KIAA1958: variants seen among roughly 807,000 people sequenced by gnomAD.
The protein encoded by KIAA1958 is KIAA1958.
A neutral mutation model predicts 47.2 loss-of-function variants in KIAA1958; 14 were observed. The ratio of observed to expected loss-of-function variants is 0.30; its 90% confidence interval spans 0.20 to 0.46. The LOEUF is 0.46. KIAA1958 is among the 20% of genes least tolerant of loss of function. The pLI, the probability that KIAA1958 is intolerant of heterozygous loss-of-function variation, is 1.00. For missense variants in KIAA1958, 803 were observed against 909.2 expected, an observed-to-expected ratio of 0.88 and a Z score of 1.50; for synonymous variants, 354 against 353.3, an observed-to-expected ratio of 1.00 and a Z score of -0.02.
chr9:112,596,711 A>C (rs1836039682), intron 2 of KIAA1958, among the ~76,000 whole-genome samples: 1 of 152,206 alleles, frequency 6.6e-6, no homozygotes, highest in South Asian at 2.1e-4. Flanking sequence ...GAATATTAAT[A>C]GCCTAACTCA....
intron 1 of KIAA1958, among the ~76,000 whole-genome samples, chr9:112,523,346 G>A (rs1834585170): frequency 6.6e-6 from 1 of 152,100 alleles, no homozygotes; most frequent in Non-Finnish European, 1.5e-5. Flanking sequence ...AGCTACTTGT[G>A]GGGCTGAGGT....
chr9:112,578,609 A>G (rs1157941361), intron 2 of KIAA1958, among the ~76,000 whole-genome samples: 1 of 152,180 alleles, frequency 6.6e-6, no homozygotes, highest in Non-Finnish European at 1.5e-5. Flanking sequence ...GTGGAAAATC[A>G]TCCCTACTTC....
intron 2 of KIAA1958, among the ~76,000 whole-genome samples, chr9:112,622,723 T>G (rs1254159100): frequency 6.6e-6 from 1 of 152,226 alleles, no homozygotes; most frequent in Non-Finnish European, 1.5e-5. Context: ...TTGATCTCTT[T>G]GGTTTTTCAG....
intron 1 of KIAA1958, among the ~76,000 whole-genome samples, chr9:112,565,236 C>G (rs1222395058): frequency 6.6e-6 from 1 of 152,200 alleles, no homozygotes; most frequent in African/African-American, 2.4e-5. Flanking sequence ...AACCTAAACT[C>G]CACCAGCTAG....
At chr9:112,509,347 T>G (rs1381613037) in intron 1 of KIAA1958, among the ~76,000 whole-genome samples, 1 of 152,044 alleles carries the variant, frequency 6.6e-6, no homozygotes, top group East Asian at 1.9e-4. Flanking sequence ...ATTACAGGTG[T>G]GTGCCACCAT....
At chr9:112,569,377 TA>T (rs1278964528) in intron 1 of KIAA1958, among the ~76,000 whole-genome samples, 1 of 152,154 alleles carries the variant, frequency 6.6e-6, no homozygotes, top group Non-Finnish European at 1.5e-5. Context: ...TGCACATAAT[TA>T]TTTTTGAACT....
intron 2 of KIAA1958, among the ~76,000 whole-genome samples, chr9:112,607,709 C>T (rs1476187503): frequency 2.7e-5 from 4 of 149,832 alleles, no homozygotes; most frequent in Non-Finnish European, 5.9e-5. Context: ...AAAGTTATTG[C>T]CCCTCATTGA....
Position 112,668,734 on chromosome 9 carries a change from C to T in KIAA1958, c.*8665C>T, listed in dbSNP as rs1270981969. ...ATAGAATAGGCAATGGACTGCTTTG[C>T]ATTTCCTTAGTTTTTCATTCTGAAA... is the stretch of plus-strand genomic sequence containing the variant. On this transcript the variant is annotated 3_prime_UTR_variant, in exon 4 of 4. Coordinates refer to ENST00000337530, the MANE Select transcript of KIAA1958 (RefSeq NM_133465.4). The T allele has an allele frequency of 6.6e-6, 1 of 152,174 alleles. No individual in the cohort carries two copies. Among genetic ancestry groups the T allele is most frequent in the Non-Finnish European group, 1.5e-5 (1 of 68,030 alleles). The allele number at this position is 152,174 out of a possible 1,614,324, so 9.4% of individuals were successfully genotyped here. A position where few individuals can be genotyped will look rare whatever the true frequency, so the allele number is the denominator to read the frequency against.
At position 112,618,830 on chromosome 9, in the gene KIAA1958, C is replaced by A; in HGVS notation, c.1172-26820C>A. The A allele has an allele frequency of 6.4e-7, 1 of 1,550,532 alleles. No individual in the cohort carries two copies. The highest frequency in any genetic ancestry group is 8.7e-7 in the Non-Finnish European group (1 of 1,146,918). On this transcript the variant is annotated intron_variant, in intron 2 of 3. Coordinates refer to ENST00000337530, the MANE Select transcript of KIAA1958 (RefSeq NM_133465.4). The surrounding 1 kb of genome is among the most constrained non-coding windows in gnomAD (Gnocchi z 7.1). ...GCTGATCTGTAACAATCTGAGCCAG[C>A]AGGCTGCCCAGTCAGTGGCCGGCCA... is the stretch of plus-strand genomic sequence containing the variant.
At chr9:112,497,530 T>C (rs1201706918) in intron 1 of KIAA1958, among the ~76,000 whole-genome samples, 4 of 152,198 alleles carry the variant, frequency 2.6e-5, no homozygotes, top group South Asian at 2.1e-4. Context: ...AATAAACTTC[T>C]GTTGTTTCAG....
intron 1 of KIAA1958, among the ~76,000 whole-genome samples, chr9:112,542,200 T>G (rs556392739): frequency 2.6e-5 from 4 of 152,140 alleles, no homozygotes; most frequent in Non-Finnish European, 5.9e-5. Context: ...GATGAAAATA[T>G]GAATATGTTC....
At chr9:112,593,412 G>A (rs901998343) in intron 2 of KIAA1958, among the ~76,000 whole-genome samples, 8 of 152,198 alleles carry the variant, frequency 5.3e-5, no homozygotes, top group African/African-American at 1.9e-4. Context: ...GGTGATGGCA[G>A]ATTTAACAGC....
At chr9:112,590,444 C>T (rs895041258) in intron 2 of KIAA1958, among the ~76,000 whole-genome samples, 7 of 151,834 alleles carry the variant, frequency 4.6e-5, no homozygotes, top group East Asian at 1.9e-4. Context: ...CTCCCCCTCC[C>T]GGGTTCAAGT....
In KIAA1958 at chr9:112,574,886, T is replaced by C. The variant is rs372559981; in HGVS notation, c.806T>C (p.Met269Thr). ...AISTELDPHGMSASPSVISRP... is the reference protein window; with the variant it reads ...AISTELDPHGTSASPSVISRP... Reference sequence around the variant, plus strand: ...AGCACGGAGCTAGACCCACACGGTATGTCTGCATCCCCCTCTGTGATCTCC... The same window carrying C: ...AGCACGGAGCTAGACCCACACGGTACGTCTGCATCCCCCTCTGTGATCTCC... The change falls in exon 2 of 4, where the codon ATG becomes ACG. Residue 269 changes from methionine to threonine, a missense_variant. Met to Thr is a moderately conservative substitution (Grantham distance 81). Coordinates refer to ENST00000337530, the MANE Select transcript of KIAA1958 (RefSeq NM_133465.4). 7 of 1,614,044 alleles carry C rather than the reference T, an allele frequency of 4.3e-6. No individual in the cohort carries two copies. Among genetic ancestry groups the C allele is most frequent in the Non-Finnish European group, 5.9e-6 (7 of 1,180,036 alleles).
In KIAA1958 at chr9:112,645,762, G is replaced by A. The variant is rs1302292512; in HGVS notation, c.1284G>A (p.Leu428=). The A allele has an allele frequency of 5.6e-6, 9 of 1,614,114 alleles. No individual in the cohort carries two copies. Among genetic ancestry groups the A allele is most frequent in the Non-Finnish European group, 6.8e-6 (8 of 1,179,988 alleles). Residue 428 remains leucine, a synonymous_variant, in exon 3 of 4, where the codon TTG becomes TTA. Transcript: ENST00000337530. ...PNTTKATRYA[L]NVWRYWCMTN... ...CTACCAAAGCCACGCGGTACGCCTTGAATGTGTGGCGTTATTGGTGCATGA... is the reference window on the plus strand; with the variant it reads ...CTACCAAAGCCACGCGGTACGCCTTAAATGTGTGGCGTTATTGGTGCATGA...
intron 1 of KIAA1958, among the ~76,000 whole-genome samples, chr9:112,526,695 G>C (rs1053723594): frequency 6.6e-6 from 1 of 151,964 alleles, no homozygotes; most frequent in Non-Finnish European, 1.5e-5. Flanking sequence ...AGCAAGATGG[G>C]GATAAACATG....
chr9:112,624,772 C>T (rs1040925135), intron 2 of KIAA1958, among the ~76,000 whole-genome samples: 1 of 152,094 alleles, frequency 6.6e-6, no homozygotes, highest in African/African-American at 2.4e-5. Flanking sequence ...TTAATTAGGT[C>T]AGAGTCCCAG....
At chr9:112,577,773 T>C in intron 2 of KIAA1958, among the ~76,000 whole-genome samples, 1 of 84,920 alleles carries the variant, frequency 1.2e-5, no homozygotes. Context: ...ATTCAGCCTA[T>C]TTGAAAAAAA....
intron 2 of KIAA1958, among the ~76,000 whole-genome samples, chr9:112,587,830 A>G (rs543850955): frequency 4.6e-5 from 7 of 152,282 alleles, no homozygotes; most frequent in East Asian, 3.9e-4. Flanking sequence ...CTTGTTTTCA[A>G]TTCTTCCAAA....
Sources: gnomAD v4.1 joint callset for allele counts (sites outside exome capture counted in the v4.1 genomes callset) on GRCh38, gnomAD v4.1.1 for gene constraint, Gnocchi (gnomAD v3.1) non-coding constraint, MANE v1.5 for transcripts, NCBI Gene and HGNC (gene_info 2026-07-23, HGNC 2026-07-21) for gene names.